The following CDH12 variants were observed in gnomAD, a reference collection of about 807,000 sequenced individuals.
The protein encoded by CDH12 is cadherin 12.
Under a neutral mutation model 74.1 loss-of-function variants are expected in CDH12, and 41 were observed. The ratio of observed to expected loss-of-function variants is 0.55; its 90% CI spans 0.43 to 0.72. CDH12 has a LOEUF of 0.72. CDH12 is among the 30% of genes least tolerant of loss of function. CDH12 has a pLI of 0.00. For missense variants in CDH12, 945 were observed against 977.2 expected (o/e 0.97, Z 0.44); for synonymous variants, 399 against 355.0 (o/e 1.12, Z -1.39).
intron 1 of CDH12, among the ~76,000 whole-genome samples, chr5:22,755,485 A>T (rs531666919): frequency 6.6e-6 from 1 of 152,262 alleles, no homozygotes; most frequent in African/African-American, 2.4e-5. Context: ...AGTTTTTACA[A>T]TATTTTAACT....
intron 6 of CDH12, among the ~76,000 whole-genome samples, chr5:21,897,724 C>G (rs1753188633): frequency 6.6e-6 from 1 of 152,058 alleles, no homozygotes; most frequent in African/African-American, 2.4e-5. Context: ...GATAAAAACT[C>G]AAGGTTACAA....
chr5:21,890,508 A>C (rs767833047), intron 6 of CDH12, among the ~76,000 whole-genome samples: 1 of 152,162 alleles, frequency 6.6e-6, no homozygotes, highest in Non-Finnish European at 1.5e-5. Flanking sequence ...AAGGATTTCA[A>C]TTGGTGTATT....
chr5:21,925,369 G>A (rs1206169492), intron 6 of CDH12, among the ~76,000 whole-genome samples: 1 of 152,166 alleles, frequency 6.6e-6, no homozygotes, highest in African/African-American at 2.4e-5. Context: ...AATAGAAAAT[G>A]AGATAAACCT....
At chr5:22,522,694 CA>C (rs1737105869) in intron 1 of CDH12, among the ~76,000 whole-genome samples, 1 of 152,000 alleles carries the variant, frequency 6.6e-6, no homozygotes. Context: ...TTATTTTCTC[CA>C]AAATATTATA....
At chr5:21,799,265 G>A (rs189661195) in intron 10 of CDH12, among the ~76,000 whole-genome samples, 1 of 152,244 alleles carries the variant, frequency 6.6e-6, no homozygotes, top group African/African-American at 2.4e-5. Context: ...TAGATATTTA[G>A]CTGAGGAGAT....
At chr5:22,529,313 G>A (rs1055781850) in intron 1 of CDH12, among the ~76,000 whole-genome samples, 1 of 151,738 alleles carries the variant, frequency 6.6e-6, no homozygotes, top group East Asian at 1.9e-4. Flanking sequence ...GCTAGCTGGT[G>A]ACCCAGAAGA....
At chr5:22,564,488 T>C (rs1372737752) in intron 1 of CDH12, among the ~76,000 whole-genome samples, 1 of 152,228 alleles carries the variant, frequency 6.6e-6, no homozygotes, top group Non-Finnish European at 1.5e-5. Flanking sequence ...TTATTATTGT[T>C]CTTATCTGAT....
chr5:22,362,090 T>G (rs1561344649), intron 3 of CDH12, among the ~76,000 whole-genome samples: 1 of 152,046 alleles, frequency 6.6e-6, no homozygotes, highest in Non-Finnish European at 1.5e-5. Flanking sequence ...GTGATCTAAT[T>G]AAACTAAAGA....
rs1435606773 is a variant in CDH12, at chr5:22,483,755, T to TATATAA, written c.-428+21514_-428+21515insTTATAT. 5.6e-5 allele frequency among the ~76,000 whole-genome samples: 5 copies of TATATAA among 89,340 alleles called. 1 individual carries two copies. The highest frequency in any genetic ancestry group is 1.1e-4 in the Non-Finnish European group (5 of 43,832). 58.6% of individuals were successfully genotyped at this position (89,340 alleles called of 152,430 possible). On this transcript the variant is annotated intron_variant, in intron 2 of 14. Coordinates refer to ENST00000382254, the MANE Select transcript of CDH12 (RefSeq NM_004061.5). ...GACCTGTCTCTTTCAAAACTATATA[T>TATATAA]ATATATATAAATTTAATTAATTGGG...
At chr5:22,390,160 C>G (rs1414945905) in intron 3 of CDH12, among the ~76,000 whole-genome samples, 1 of 152,050 alleles carries the variant, frequency 6.6e-6, no homozygotes, top group Non-Finnish European at 1.5e-5. Context: ...CACTGAAAAC[C>G]TGTGAAAAAC....
chr5:21,769,715 G>A (rs1025164162), intron 11 of CDH12, among the ~76,000 whole-genome samples: 4 of 152,070 alleles, frequency 2.6e-5, no homozygotes, highest in African/African-American at 9.7e-5. Context: ...GAGAATTTAG[G>A]CATTATATAA....
chr5:21,805,762 A>G (rs1029200720), intron 9 of CDH12, among the ~76,000 whole-genome samples: 1 of 152,196 alleles, frequency 6.6e-6, no homozygotes, highest in African/African-American at 2.4e-5. Flanking sequence ...AGCATTTGAA[A>G]TAAATATAGA....
chr5:22,063,890 C>T (rs1458280004), intron 5 of CDH12, among the ~76,000 whole-genome samples: 2 of 151,906 alleles, frequency 1.3e-5, no homozygotes, highest in Non-Finnish European at 2.9e-5. Flanking sequence ...AGCCTGATGG[C>T]TTACACTGCA....
chr5:22,382,324 G>A (rs968205339), intron 3 of CDH12, among the ~76,000 whole-genome samples: 1 of 147,514 alleles, frequency 6.8e-6, no homozygotes, highest in Non-Finnish European at 1.5e-5. Context: ...CATACATATA[G>A]AAAAATATAT....
At chr5:22,152,377 G>T (rs1262907333) in intron 4 of CDH12, 2 of 152,100 alleles carry the variant, frequency 1.3e-5, no homozygotes, top group Non-Finnish European at 2.9e-5. Context: ...CTGTTTTATA[G>T]AAGTGTGAAA....
chr5:22,673,017 C>CT (rs1488202520), intron 1 of CDH12, among the ~76,000 whole-genome samples: 6 of 151,876 alleles, frequency 4.0e-5, no homozygotes, highest in African/African-American at 1.5e-4. Flanking sequence ...GGGCATTTTT[C>CT]TTTTCATTTT....
chr5:22,274,222 A>C (rs995927834), intron 3 of CDH12, among the ~76,000 whole-genome samples: 4 of 152,114 alleles, frequency 2.6e-5, no homozygotes, highest in Non-Finnish European at 5.9e-5. Flanking sequence ...GTAAATATTT[A>C]GGGATAAGGA....
rs375882163 is a variant in CDH12 at position 21,849,091 on chromosome 5, G to A, written c.646+5580C>T. On this transcript the variant is annotated intron_variant, in intron 7 of 14. Transcript: ENST00000382254. ...CTAATGAGTTATCATTCTTATATAT[G>A]GTATTATTCTTATCTTTTTTCTACA... Among the ~76,000 whole-genome samples the A allele has an allele frequency of 1.4e-3, 213 of 151,778 alleles. 1 individual carries two copies. Among genetic ancestry groups the A allele is most frequent in the African/African-American group, 4.9e-3 (204 of 41,458 alleles).
intron 1 of CDH12, among the ~76,000 whole-genome samples, chr5:22,587,202 T>C (rs898177268): frequency 9.2e-5 from 14 of 152,070 alleles, no homozygotes; most frequent in Middle Eastern, 3.4e-3. Flanking sequence ...ATTAATGCTG[T>C]TATTGCAGGA....
Sources: allele counts gnomAD v4.1 joint callset (sites outside exome capture counted in the v4.1 genomes callset), GRCh38; gene constraint gnomAD v4.1.1; transcripts MANE v1.5; gene names NCBI Gene and HGNC (gene_info 2026-07-23, HGNC 2026-07-21).